The following SRGAP2C variants were observed in gnomAD, a reference collection of about 807,000 sequenced individuals.
SRGAP2C encodes SLIT-ROBO Rho GTPase activating protein 2C.
In SRGAP2C, 15 loss-of-function variants were observed where a neutral mutation model predicts 25.1. The ratio of observed to expected loss-of-function variants is 0.60; its 90% CI spans 0.40 to 0.92. SRGAP2C has a LOEUF of 0.92. Among genes scored for constraint, SRGAP2C ranks in the 40% least tolerant of loss-of-function variants. SRGAP2C has a pLI of 0.00. For synonymous variants in SRGAP2C, 44 were observed against 96.6 expected, an observed-to-expected ratio of 0.46 and a Z score of 3.19; for missense variants, 144 against 264.4, an observed-to-expected ratio of 0.54 and a Z score of 3.16.
chr1:121,212,200 G>A (rs1237969235), intron 2 of SRGAP2C, among the ~76,000 whole-genome samples: 1 of 110,464 alleles, frequency 9.1e-6, no homozygotes, highest in Non-Finnish European at 1.8e-5. Flanking sequence ...GTGCGATCTC[G>A]GCTCACTGCA....
chr1:121,324,436 G>A, intron 3 of SRGAP2C, 42 bp from the exon 4 acceptor site: 2 of 1,601,064 alleles, frequency 1.2e-6, no homozygotes, highest in Non-Finnish European at 8.6e-7. Flanking sequence ...TGCCCTGGCT[G>A]TGTATCAACA....
In SRGAP2C at chr1:121,271,006, C is replaced by T. The variant is rs770200036; in HGVS notation, c.68-13797C>T. Among the ~76,000 whole-genome samples the T allele has an allele frequency of 2.3e-4, 35 of 151,540 alleles. 1 individual carries two copies. The highest frequency in any genetic ancestry group is 4.3e-4 in the Non-Finnish European group (29 of 67,768). ...TAGAGACGGGGTTTCACTGTGTTAG[C>T]CAGGATGGTCTCGATCTCCTGACCT... is the stretch of plus-strand genomic sequence containing the variant. On this transcript the variant is annotated intron_variant, in intron 2 of 9. Transcript: ENST00000367123.
At chr1:121,233,212 T>G (rs1655863953) in intron 2 of SRGAP2C, among the ~76,000 whole-genome samples, 1 of 108,768 alleles carries the variant, frequency 9.2e-6, no homozygotes. Flanking sequence ...AGTGGTGCGA[T>G]CTTGGCTCAT....
At chr1:121,359,829 G>A (rs587736171) in intron 4 of SRGAP2C, among the ~76,000 whole-genome samples, 1 of 152,256 alleles carries the variant, frequency 6.6e-6, no homozygotes, top group Non-Finnish European at 1.5e-5. Context: ...AAATATCATA[G>A]TGGACAGCAC....
intron 2 of SRGAP2C, among the ~76,000 whole-genome samples, chr1:121,210,300 T>A (rs1553323385): frequency 7.4e-6 from 1 of 135,526 alleles, no homozygotes; most frequent in Non-Finnish European, 1.6e-5. Flanking sequence ...CCTAGCAGGG[T>A]AATTCCATCA....
Position 121,347,798 on chromosome 1 carries a change from G to A in SRGAP2C, c.424-17495G>A, listed in dbSNP as rs587609946. 4.3e-3 allele frequency among the ~76,000 whole-genome samples: 651 copies of A among 151,416 alleles called. 5 individuals carry two copies. The highest frequency in any genetic ancestry group is 0.014 in the African/African-American group (594 of 41,220). On this transcript the variant is annotated intron_variant, in intron 4 of 9. Coordinates refer to ENST00000367123, the MANE Select transcript of SRGAP2C (RefSeq NM_001329984.2). The stretch of plus-strand genomic sequence containing the variant: ...ATGAATGTTCTCGTTAAATATGGCC[G>A]TGACCTGCAGCTCCACACATGCCAG...
chr1:121,236,575 C>T (rs1553328713), intron 2 of SRGAP2C, among the ~76,000 whole-genome samples: 2 of 152,094 alleles, frequency 1.3e-5, no homozygotes, highest in African/African-American at 2.4e-5. Flanking sequence ...TAACTGAAAC[C>T]CTCCCTCACC....
At chr1:121,358,697 C>A (rs1268601005) in intron 4 of SRGAP2C, among the ~76,000 whole-genome samples, 1 of 148,730 alleles carries the variant, frequency 6.7e-6, no homozygotes, top group Non-Finnish European at 1.5e-5. Context: ...CTGAAATATC[C>A]ATTAGTAACT....
chr1:121,302,837 C>A (rs1210873421), intron 3 of SRGAP2C, among the ~76,000 whole-genome samples: 1 of 127,854 alleles, frequency 7.8e-6, no homozygotes, highest in African/African-American at 3.0e-5. Context: ...ATATTTCTGG[C>A]AATTTCTGAT....
chr1:121,238,738 T>G (rs1334100422), intron 2 of SRGAP2C, among the ~76,000 whole-genome samples: 3 of 150,930 alleles, frequency 2.0e-5, no homozygotes, highest in African/African-American at 7.3e-5. Context: ...CTCAGCCTGT[T>G]AAGTAGCAGG....
chr1:121,355,213 A>G (rs1231615333), intron 4 of SRGAP2C, among the ~76,000 whole-genome samples: 1 of 149,990 alleles, frequency 6.7e-6, no homozygotes, highest in African/African-American at 2.4e-5. Context: ...TGATTAAACA[A>G]CTAGACCAAA....
intron 2 of SRGAP2C, among the ~76,000 whole-genome samples, chr1:121,230,807 G>A (rs1352708207): frequency 1.3e-5 from 2 of 151,976 alleles, no homozygotes; most frequent in East Asian, 1.9e-4. Flanking sequence ...AATGATAGAC[G>A]GGATAAAGAA....
chr1:121,186,479 CT>C (rs1315682012), intron 1 of SRGAP2C, among the ~76,000 whole-genome samples: 14 of 114,964 alleles, frequency 1.2e-4, no homozygotes, highest in African/African-American at 4.5e-4. Context: ...AAGTTGTGCC[CT>C]GGTGGCTTGT....
At chr1:121,257,307 G>T (rs1360471548) in intron 2 of SRGAP2C, among the ~76,000 whole-genome samples, 1 of 150,092 alleles carries the variant, frequency 6.7e-6, no homozygotes, top group African/African-American at 2.4e-5. Context: ...GTAGAGACAG[G>T]GCTTCACCAC....
At chr1:121,347,035 G>A (rs587708337) in intron 4 of SRGAP2C, among the ~76,000 whole-genome samples, 2 of 150,940 alleles carry the variant, frequency 1.3e-5, no homozygotes, top group Non-Finnish European at 2.9e-5. Flanking sequence ...TGCCCTCTTT[G>A]GGAGCTACCA....
At chr1:121,263,371 C>T (rs1478572224) in intron 2 of SRGAP2C, among the ~76,000 whole-genome samples, 3 of 129,392 alleles carry the variant, frequency 2.3e-5, no homozygotes, top group Non-Finnish European at 4.7e-5. Context: ...GCGGTGCTTG[C>T]GGTGAGCAGA....
chr1:121,202,000 G>A (rs1481020446), intron 2 of SRGAP2C, among the ~76,000 whole-genome samples: 1 of 152,132 alleles, frequency 6.6e-6, no homozygotes, highest in Non-Finnish European at 1.5e-5. Context: ...TCTGCCCTCG[G>A]ACAATTCTTC....
At chr1:121,278,102 CG>C (rs1657149534) in intron 2 of SRGAP2C, among the ~76,000 whole-genome samples, 1 of 151,466 alleles carries the variant, frequency 6.6e-6, no homozygotes, top group Admixed American at 6.6e-5. Context: ...CACCTCCCCC[CG>C]CCAGCTAACT....
chr1:121,271,746 GCA>G (rs1656967292), intron 2 of SRGAP2C, among the ~76,000 whole-genome samples: 1 of 87,738 alleles, frequency 1.1e-5, no homozygotes, highest in Non-Finnish European at 2.3e-5. Context: ...ATGTGTGTGT[GCA>G]TGTGTGTTGG....
Sources: allele counts gnomAD v4.1 joint callset (sites outside exome capture counted in the v4.1 genomes callset), GRCh38; gene constraint gnomAD v4.1.1; transcripts MANE v1.5; gene names NCBI Gene and HGNC (gene_info 2026-07-23, HGNC 2026-07-21).